KIAA1549L: variants seen among roughly 807,000 people sequenced by gnomAD.
The protein encoded by KIAA1549L is UPF0606 protein KIAA1549L.
KIAA1549L carries 88 observed loss-of-function variants against 160.7 expected under a neutral mutation model. That is an observed-to-expected ratio of 0.55 (90% confidence interval 0.46 to 0.65). The LOEUF is 0.65. Ranked by LOEUF, KIAA1549L falls within the 30% of genes least tolerant of loss-of-function variation. KIAA1549L has a pLI of 0.00. For missense variants in KIAA1549L, 2,258 were observed against 2,437.5 expected, an observed-to-expected ratio of 0.93 and a Z score of 1.55; for synonymous variants, 950 against 976.7, an observed-to-expected ratio of 0.97 and a Z score of 0.51.
Position 33,376,514 on chromosome 11 carries a change from A to G in KIAA1549L, c.-138A>G, listed in dbSNP as rs1390664312. On this transcript the variant is annotated 5_prime_UTR_variant, in exon 1 of 21. Transcript: ENST00000658780. The surrounding 1 kb of genome is among the most constrained non-coding windows in gnomAD (Gnocchi z 5.8). ...CCGGGCGCGGCAGGACGAGCGAGCC[A>G]GTCGCGCCGCTCGGCGCCCCCTCCC... The G allele has an allele frequency of 6.8e-6, 1 of 147,760 alleles. No individual in the cohort carries two copies. The highest frequency in any genetic ancestry group is 1.5e-5 in the Non-Finnish European group (1 of 66,450). The allele number at this position is 147,760 out of a possible 1,614,324, so 9.2% of individuals were successfully genotyped here.
chr11:33,610,438 G>A (rs1850619891), intron 15 of KIAA1549L, among the ~76,000 whole-genome samples: 1 of 152,160 alleles, frequency 6.6e-6, no homozygotes, highest in Admixed American at 6.5e-5. Context: ...TCACAGACTT[G>A]TTCATTTATT....
chr11:33,525,868 G>A (rs1853599330), intron 1 of KIAA1549L, among the ~76,000 whole-genome samples: 1 of 152,138 alleles, frequency 6.6e-6, no homozygotes, highest in East Asian at 1.9e-4. Flanking sequence ...CTGGAAACCT[G>A]TATGACACAG....
At chr11:33,458,573 G>C (rs1173281879) in intron 1 of KIAA1549L, among the ~76,000 whole-genome samples, 1 of 152,250 alleles carries the variant, frequency 6.6e-6, no homozygotes, top group African/African-American at 2.4e-5. Flanking sequence ...GAGGGGAGCT[G>C]TGTCAAAGCT....
chr11:33,616,975 C>T (rs577092549), intron 15 of KIAA1549L, among the ~76,000 whole-genome samples: 1 of 151,846 alleles, frequency 6.6e-6, no homozygotes, highest in Non-Finnish European at 1.5e-5. Flanking sequence ...CCTGTCTCTA[C>T]AAAAATTACA....
chr11:33,451,865 C>G (rs1241588970), intron 1 of KIAA1549L, among the ~76,000 whole-genome samples: 1 of 152,220 alleles, frequency 6.6e-6, no homozygotes, highest in African/African-American at 2.4e-5. Flanking sequence ...TGGGACTCCT[C>G]TAGAGTTCAA....
chr11:33,629,650 A>T (rs1851220019), intron 16 of KIAA1549L, among the ~76,000 whole-genome samples: 1 of 151,314 alleles, frequency 6.6e-6, no homozygotes. Flanking sequence ...AGCTCCTTTA[A>T]GCACTTCTCT....
intron 13 of KIAA1549L, among the ~76,000 whole-genome samples, chr11:33,605,212 G>A (rs1259637037): frequency 4.6e-5 from 7 of 152,100 alleles, no homozygotes; most frequent in Non-Finnish European, 8.8e-5. Flanking sequence ...CTAAGCCTTG[G>A]AAGTAACACG....
At chr11:33,389,422 G>T (rs149097882) in intron 1 of KIAA1549L, among the ~76,000 whole-genome samples, 1 of 152,206 alleles carries the variant, frequency 6.6e-6, no homozygotes, top group Non-Finnish European at 1.5e-5. Flanking sequence ...TTCATTGTCC[G>T]TTAAGAAGTC....
intron 1 of KIAA1549L, among the ~76,000 whole-genome samples, chr11:33,484,427 A>G (rs993687637): frequency 2.6e-5 from 4 of 152,262 alleles, no homozygotes; most frequent in African/African-American, 9.6e-5. Context: ...GTTGTGGTCC[A>G]TGGTTTTGAG....
At chr11:33,588,854 TGA>T (rs751191947) in intron 11 of KIAA1549L, among the ~76,000 whole-genome samples, 14 of 151,950 alleles carry the variant, frequency 9.2e-5, no homozygotes, top group Non-Finnish European at 1.9e-4. Context: ...CTTCCCAGAG[TGA>T]GTTTCTCAGG....
intron 1 of KIAA1549L, among the ~76,000 whole-genome samples, chr11:33,540,238 C>T (rs1045435072): frequency 8.5e-5 from 13 of 152,144 alleles, no homozygotes; most frequent in African/African-American, 3.1e-4. Flanking sequence ...TCCTGAGTTA[C>T]AAGGCTATGT....
intron 1 of KIAA1549L, among the ~76,000 whole-genome samples, chr11:33,482,569 C>CTT (rs397849730): frequency 0.021 from 2,797 of 130,488 alleles, 118 homozygotes; most frequent in African/African-American, 0.069. Context: ...ATATGCTATA[C>CTT]TTTTTTTTTT....
chr11:33,513,813 G>A (rs1853279610), intron 1 of KIAA1549L, among the ~76,000 whole-genome samples: 1 of 152,220 alleles, frequency 6.6e-6, no homozygotes, highest in African/African-American at 2.4e-5. Flanking sequence ...TGGGGCATTT[G>A]TTGGAGGAGG....
Position 33,397,958 on chromosome 11 carries a change from T to TG in KIAA1549L, c.238+21071dup, listed in dbSNP as rs1447352008. On this transcript the variant is annotated intron_variant, in intron 1 of 20. Coordinates refer to ENST00000658780, the MANE Select transcript of KIAA1549L (RefSeq NM_012194.3). The stretch of plus-strand genomic sequence containing the variant: ...TTTCTTTTTTTGAGATAGAGTCTTA[T>TG]GGTTGCCTAGGCTGGAGTGCAGTGG... Among the ~76,000 whole-genome samples the TG allele has an allele frequency of 3.4e-5, 5 of 146,226 alleles. No individual in the cohort carries two copies. In the Admixed American group the frequency reaches 3.4e-4, roughly 10 times the overall value.
At chr11:33,488,207 A>G (rs1265457742) in intron 1 of KIAA1549L, among the ~76,000 whole-genome samples, 1 of 152,218 alleles carries the variant, frequency 6.6e-6, no homozygotes, top group Non-Finnish European at 1.5e-5. Flanking sequence ...CTCAAACTCA[A>G]AGGCAGTGTT....
chr11:33,447,342 T>C (rs139256772), intron 1 of KIAA1549L, among the ~76,000 whole-genome samples: 183 of 152,298 alleles, frequency 1.2e-3, no homozygotes, highest in African/African-American at 4.3e-3. Flanking sequence ...AATGATGCAA[T>C]GATGGTTTAG....
intron 1 of KIAA1549L, among the ~76,000 whole-genome samples, chr11:33,443,859 G>A (rs139350209): frequency 1.6e-4 from 25 of 152,248 alleles, no homozygotes; most frequent in African/African-American, 5.3e-4. Flanking sequence ...GTTTATGATA[G>A]GACTCATTTC....
intron 1 of KIAA1549L, among the ~76,000 whole-genome samples, chr11:33,415,362 G>T (rs1454237176): frequency 6.6e-6 from 1 of 152,078 alleles, no homozygotes; most frequent in East Asian, 1.9e-4. Flanking sequence ...CCATCCCATT[G>T]TCAGTCTTAG....
chr11:33,615,384 T>A (rs1850781880), intron 15 of KIAA1549L, among the ~76,000 whole-genome samples: 1 of 152,196 alleles, frequency 6.6e-6, no homozygotes, highest in Admixed American at 6.5e-5. Context: ...CCAGCAGTAT[T>A]TTCAGAGGTA....
Sources: gnomAD v4.1 joint callset for allele counts (sites outside exome capture counted in the v4.1 genomes callset) on GRCh38, gnomAD v4.1.1 for gene constraint, Gnocchi (gnomAD v3.1) non-coding constraint, MANE v1.5 for transcripts, NCBI Gene and HGNC (gene_info 2026-07-23, HGNC 2026-07-21) for gene names.